Variants in ITGB3BP observed in about 807,000 individuals in gnomAD.
ITGB3BP encodes the protein integrin subunit beta 3 binding protein.
In ITGB3BP, 27 loss-of-function variants were observed where a neutral mutation model predicts 29.1. The observed-to-expected ratio is 0.93, with a 90% CI of 0.68 to 1.28. The LOEUF (loss-of-function observed/expected upper bound fraction) is 1.28, where lower values mean the gene tolerates loss of function less well. Ranked by LOEUF, ITGB3BP falls within the 50% of genes most tolerant of loss-of-function variation. The pLI is 0.00. For synonymous variants in ITGB3BP, 61 were observed against 61.4 expected (o/e 0.99, Z 0.03); for missense variants, 192 against 200.2 (o/e 0.96, Z 0.25).
chr1:63,501,068 T>A (rs1266521008), intron 2 of ITGB3BP, among the ~76,000 whole-genome samples: 1 of 152,210 alleles, frequency 6.6e-6, no homozygotes, highest in East Asian at 1.9e-4. Flanking sequence ...GAAAAAATAG[T>A]CGTTTCAGCA....
At chr1:63,459,000 C>T (rs1644974532) in intron 4 of ITGB3BP, among the ~76,000 whole-genome samples, 3 of 152,022 alleles carry the variant, frequency 2.0e-5, no homozygotes, top group Non-Finnish European at 4.4e-5. Flanking sequence ...CTTTCCACCA[C>T]ATATGTCTTT....
At chr1:63,508,100 T>C (rs1050489846) in intron 2 of ITGB3BP, among the ~76,000 whole-genome samples, 1 of 152,188 alleles carries the variant, frequency 6.6e-6, no homozygotes, top group African/African-American at 2.4e-5. Flanking sequence ...CATGCCAGCA[T>C]AGCTGAGGAA....
intron 1 of ITGB3BP, among the ~76,000 whole-genome samples, chr1:63,514,135 C>T (rs1646259734): frequency 6.6e-6 from 1 of 152,134 alleles, no homozygotes; most frequent in Non-Finnish European, 1.5e-5. Context: ...TAGAACTATA[C>T]AGTATGTACT....
intron 4 of ITGB3BP, among the ~76,000 whole-genome samples, chr1:63,474,919 AAC>A (rs201346495): frequency 3.0e-4 from 1 of 3,342 alleles, no homozygotes; most frequent in African/African-American, 3.1e-4. Context: ...ATAAAATAAA[AAC>A]AAAACAAAAC....
chr1:63,512,387 T>A (rs908539832), intron 1 of ITGB3BP, among the ~76,000 whole-genome samples: 1 of 152,054 alleles, frequency 6.6e-6, no homozygotes, highest in Non-Finnish European at 1.5e-5. Context: ...AGTTACAGTA[T>A]TAAAGAAATT....
intron 7 of ITGB3BP, chr1:63,447,828 G>C (rs1278240647): frequency 1.8e-5 from 6 of 335,782 alleles, no homozygotes; most frequent in Non-Finnish European, 3.0e-5. Flanking sequence ...CCCATTACTG[G>C]GTATATACCC....
chr1:63,516,791 A>G (rs941728420), intron 1 of ITGB3BP, among the ~76,000 whole-genome samples: 1 of 152,052 alleles, frequency 6.6e-6, no homozygotes, highest in Non-Finnish European at 1.5e-5. Context: ...GAGCTAAACA[A>G]TGGGTACATA....
chr1:63,487,763 G>A (rs1012147419), intron 3 of ITGB3BP, among the ~76,000 whole-genome samples: 6 of 152,012 alleles, frequency 3.9e-5, no homozygotes, highest in South Asian at 2.1e-4. Context: ...TGTAGTACAC[G>A]ACTATATCAT....
Position 63,456,332 on chromosome 1 carries a change from GT to G in ITGB3BP, c.255-1365del, listed in dbSNP as rs200376364. Among the ~76,000 whole-genome samples, 20 of 151,852 alleles carry G rather than the reference GT, an allele frequency of 1.3e-4. No homozygotes were observed. In the South Asian group the frequency reaches 4.0e-3, roughly 30 times the overall value. On this transcript the variant is annotated intron_variant, in intron 4 of 8. Transcript: ENST00000271002. ...TTATGAGGACAGTGGAATTTTGGGTGTTTTTTTTCTTTAAAAGTTTTCCTTT... is the reference window on the plus strand; with the variant it reads ...TTATGAGGACAGTGGAATTTTGGGTGTTTTTTTCTTTAAAAGTTTTCCTTT...
At chr1:63,501,448 G>T (rs143198763) in intron 2 of ITGB3BP, among the ~76,000 whole-genome samples, 309 of 152,300 alleles carry the variant, frequency 2.0e-3, no homozygotes, top group African/African-American at 6.7e-3. Context: ...TGGTTTCCAG[G>T]GGGAGGGGGA....
At chr1:63,458,080 G>T (rs1172007634) in intron 4 of ITGB3BP, 2 of 152,088 alleles carry the variant, frequency 1.3e-5, no homozygotes, top group Non-Finnish European at 2.9e-5. Flanking sequence ...ATTCCTCAAA[G>T]AAAAAGTCTT....
intron 4 of ITGB3BP, among the ~76,000 whole-genome samples, chr1:63,463,117 C>T (rs1274564045): frequency 2.0e-5 from 3 of 151,804 alleles, no homozygotes; most frequent in Non-Finnish European, 2.9e-5. Context: ...ATGGTGGTGG[C>T]GTGCACCTAT....
Position 63,504,507 on chromosome 1 carries a change from T to C in ITGB3BP, c.48+4021A>G, listed in dbSNP as rs1446201470. On this transcript the variant is annotated intron_variant, in intron 2 of 8. Coordinates refer to ENST00000271002, the MANE Select transcript of ITGB3BP (RefSeq NM_014288.5). ...TCCTAACTGAATACCCTTTATTTCC[T>C]TCTCCTGCCTGATTGCCCTGGCCAG... Among the ~76,000 whole-genome samples, 3 of 152,164 alleles carry C rather than the reference T, an allele frequency of 2.0e-5. No individual in the cohort carries two copies. In the East Asian group the frequency reaches 5.8e-4, roughly 29 times the overall value.
At chr1:63,522,929 C>A (rs781675280) in intron 1 of ITGB3BP, 200 bp downstream of exon 1, 7 of 763,174 alleles carry the variant, frequency 9.2e-6, no homozygotes, top group African/African-American at 1.7e-5. Context: ...AAACAGAAAG[C>A]GAAGGAGGAC....
intron 4 of ITGB3BP, among the ~76,000 whole-genome samples, chr1:63,477,495 G>A (rs1186230004): frequency 6.6e-6 from 1 of 152,112 alleles, no homozygotes; most frequent in African/African-American, 2.4e-5. Flanking sequence ...TGGGCGAGTG[G>A]GTCGCTTGAG....
chr1:63,483,122 C>T (rs1645469317), intron 3 of ITGB3BP, among the ~76,000 whole-genome samples: 1 of 152,014 alleles, frequency 6.6e-6, no homozygotes, highest in South Asian at 2.1e-4. Flanking sequence ...GAAGCAGTAA[C>T]AAAAATACAG....
At chr1:63,516,719 AAAAAAAAAGAAAAAAG>A (rs1469237667) in intron 1 of ITGB3BP, among the ~76,000 whole-genome samples, 3 of 151,466 alleles carry the variant, frequency 2.0e-5, no homozygotes, top group Non-Finnish European at 4.4e-5. Context: ...CATGAAAAAA[AAAAAAAAAGAAAAAAG>A]AAAAAAAAAG....
At chr1:63,508,605 G>A in intron 1 of ITGB3BP, 35 bp from the exon 2 acceptor site, 3 of 986,486 alleles carry the variant, frequency 3.0e-6, no homozygotes, top group Non-Finnish European at 4.5e-6. Context: ...TTTTAGATTT[G>A]ACACGCTTTA....
At chr1:63,469,657 T>C (rs900273038) in intron 4 of ITGB3BP, among the ~76,000 whole-genome samples, 1 of 152,226 alleles carries the variant, frequency 6.6e-6, no homozygotes, top group African/African-American at 2.4e-5. Flanking sequence ...TGAACACTTA[T>C]GGGCATATCT....
Sources: allele counts gnomAD v4.1 joint callset (sites outside exome capture counted in the v4.1 genomes callset), GRCh38; gene constraint gnomAD v4.1.1; transcripts MANE v1.5; gene names NCBI Gene and HGNC (gene_info 2026-07-23, HGNC 2026-07-21).